SGK3: variants seen among roughly 807,000 people sequenced by gnomAD.
The protein encoded by SGK3 is serine/threonine-protein kinase Sgk3.
In SGK3, 47 loss-of-function variants were observed where a neutral mutation model predicts 68.5. That is an observed-to-expected ratio of 0.69 (90% confidence interval 0.54 to 0.87). The LOEUF is 0.87. Ranked by LOEUF, SGK3 falls within the 40% of genes least tolerant of loss-of-function variation. SGK3 has a pLI of 0.00. For missense variants in SGK3, 479 were observed against 575.5 expected (o/e 0.83, Z 1.72); for synonymous variants, 181 against 189.1 (o/e 0.96, Z 0.35).
intron 1 of SGK3, among the ~76,000 whole-genome samples, chr8:66,782,433 C>G (rs926206819): frequency 2.6e-5 from 4 of 152,086 alleles, no homozygotes; most frequent in African/African-American, 9.7e-5. Flanking sequence ...GTCAATATCC[C>G]CCACCAGAGT....
At chr8:66,787,811 A>G (rs1416948656) in intron 1 of SGK3, among the ~76,000 whole-genome samples, 1 of 152,150 alleles carries the variant, frequency 6.6e-6, no homozygotes, top group East Asian at 1.9e-4. Context: ...CCTCCCTTTA[A>G]AAAATATATA....
At chr8:66,767,678 C>T (rs1438191251) in intron 1 of SGK3, 3 of 1,409,802 alleles carry the variant, frequency 2.1e-6, no homozygotes, top group Non-Finnish European at 3.0e-6. Context: ...TCTGGATAGC[C>T]ATCATCTGAG....
chr8:66,796,960 A>G (rs929819441), intron 2 of SGK3, among the ~76,000 whole-genome samples: 5 of 151,266 alleles, frequency 3.3e-5, no homozygotes, highest in Non-Finnish European at 7.4e-5. Flanking sequence ...TTTTTTACCA[A>G]TGGAAATATT....
At chr8:66,804,968 A>G (rs1254169156) in intron 4 of SGK3, among the ~76,000 whole-genome samples, 1 of 152,034 alleles carries the variant, frequency 6.6e-6, no homozygotes, top group Non-Finnish European at 1.5e-5. Flanking sequence ...AGTCCCAGCT[A>G]CTCAGGAGGC....
Position 66,859,690 on chromosome 8 carries a change from A to G in SGK3, c.*109A>G. 8.1e-7 allele frequency: 1 copy of G among 1,229,116 alleles called. No homozygotes were observed. The highest frequency in any genetic ancestry group is 1.1e-6 in the Non-Finnish European group (1 of 935,990). 76.1% of individuals were successfully genotyped at this position (1,229,116 alleles called of 1,614,324 possible). A position where few individuals can be genotyped will look rare whatever the true frequency, so the allele number is the denominator to read the frequency against. On this transcript the variant is annotated 3_prime_UTR_variant, in exon 17 of 17. Transcript: ENST00000521198. ...TGTATAACTAGTGCCTCATTTTTATATGTAATGATGAAAACTATGAAAAAA... is the reference window on the plus strand; with the variant it reads ...TGTATAACTAGTGCCTCATTTTTATGTGTAATGATGAAAACTATGAAAAAA...
intron 1 of SGK3, among the ~76,000 whole-genome samples, chr8:66,784,864 T>A (rs1807136286): frequency 6.6e-6 from 1 of 152,288 alleles, no homozygotes; most frequent in African/African-American, 2.4e-5. Flanking sequence ...GATGCTTTTT[T>A]AAAAAAAGAT....
chr8:66,774,809 C>A (rs965879105), intron 1 of SGK3, among the ~76,000 whole-genome samples: 9 of 152,088 alleles, frequency 5.9e-5, no homozygotes, highest in African/African-American at 2.2e-4. Flanking sequence ...ACGTCTCACG[C>A]CTGGAGCCCT....
chr8:66,847,209 G>T lies in SGK3; in HGVS notation c.1091G>T (p.Arg364Leu). 6.2e-7 allele frequency: 1 copy of T among 1,600,266 alleles called. No homozygotes were observed. The highest frequency in any genetic ancestry group is 1.1e-5 in the South Asian group (1 of 87,940). Residue 364 changes from arginine to leucine, a missense_variant, in exon 15 of 17, where the codon CGA becomes CTA. This residue lies in a region of SGK3 where 173 missense variants were observed against 214.3 expected (regional missense o/e 0.81). Transcript: ENST00000521198. ...TTTTTCCAGCCTCCTTTTTATTGCC[G>T]AGATGTTGCTGAAATGTATGACAAT... The part of the protein sequence containing the change: ...MLYGLPPFYC[R>L]DVAEMYDNIL...
chr8:66,850,964 A>C (rs1810258697), intron 16 of SGK3, 44 bp downstream of exon 16: 9 of 1,543,480 alleles, frequency 5.8e-6, no homozygotes, highest in Non-Finnish European at 7.9e-6. Context: ...CGTGAAACTT[A>C]ATAGCAGTTC....
At chr8:66,771,698 C>T (rs1233906961) in intron 1 of SGK3, among the ~76,000 whole-genome samples, 2 of 151,914 alleles carry the variant, frequency 1.3e-5, no homozygotes, top group African/African-American at 4.8e-5. Flanking sequence ...AAGAAAAGAC[C>T]AGTATTTTAG....
rs528650754 is a variant in SGK3, at chr8:66,785,602, C to T, written c.-121-8014C>T. Among the ~76,000 whole-genome samples the T allele has an allele frequency of 1.4e-3, 216 of 152,168 alleles. 3 individuals are homozygous for T. The highest frequency in any genetic ancestry group is 2.6e-3 in the Non-Finnish European group (180 of 68,026). On this transcript the variant is annotated intron_variant, in intron 1 of 16. Coordinates refer to ENST00000521198, the MANE Select transcript of SGK3 (RefSeq NM_001033578.3). ...AGTTGTGACAACCAAAAATGTCTCC[C>T]GACATTGCCAAATATCCTCTAGGCA...
intron 10 of SGK3, among the ~76,000 whole-genome samples, chr8:66,836,331 A>G (rs1287050030): frequency 1.3e-5 from 2 of 152,238 alleles, no homozygotes; most frequent in African/African-American, 2.4e-5. Context: ...ACTAAACTGT[A>G]TAGCAAGAAT....
intron 1 of SGK3, among the ~76,000 whole-genome samples, chr8:66,739,313 G>A (rs1341302240): frequency 1.3e-5 from 2 of 152,142 alleles, no homozygotes; most frequent in Admixed American, 6.5e-5. Flanking sequence ...GCTCTTGTGG[G>A]AAGTAATCCA....
intron 4 of SGK3, among the ~76,000 whole-genome samples, chr8:66,808,438 C>CA (rs1312442702): frequency 1.3e-5 from 2 of 151,926 alleles, no homozygotes; most frequent in African/African-American, 4.8e-5. Context: ...ATGTTACTGT[C>CA]ATGGGAACCA....
intron 1 of SGK3, among the ~76,000 whole-genome samples, chr8:66,757,961 A>G (rs1806034990): frequency 6.7e-6 from 1 of 149,354 alleles, no homozygotes; most frequent in Non-Finnish European, 1.5e-5. Flanking sequence ...ATATATACAC[A>G]CACTATATAT....
At chr8:66,761,131 G>A (rs1585679564) in intron 1 of SGK3, among the ~76,000 whole-genome samples, 1 of 151,978 alleles carries the variant, frequency 6.6e-6, no homozygotes, top group Non-Finnish European at 1.5e-5. Flanking sequence ...TTAGAGACAG[G>A]GTCTTACTCT....
Position 66,752,594 on chromosome 8 carries a change from G to T in SGK3, c.-122+39761G>T, listed in dbSNP as rs545785309. On this transcript the variant is annotated intron_variant, in intron 1 of 16. Transcript: ENST00000521198. ...AGTAGGAGTTACCCTGTGAAAAACTGGGGGGGTGGGGGAGACAGAGCATTT... is the reference window on the plus strand; with the variant it reads ...AGTAGGAGTTACCCTGTGAAAAACTTGGGGGGTGGGGGAGACAGAGCATTT... 3.3e-5 allele frequency among the ~76,000 whole-genome samples: 5 copies of T among 151,876 alleles called. No homozygotes were observed. The East Asian group carries it at 9.6e-4, about 29-fold the overall frequency.
At chr8:66,769,177 G>A (rs1806420905) in intron 1 of SGK3, among the ~76,000 whole-genome samples, 1 of 151,948 alleles carries the variant, frequency 6.6e-6, no homozygotes, top group South Asian at 2.1e-4. Context: ...CTAATTGCAA[G>A]TATATTAGGC....
intron 15 of SGK3, among the ~76,000 whole-genome samples, chr8:66,849,710 C>T (rs535672772): frequency 6.6e-6 from 1 of 151,794 alleles, no homozygotes; most frequent in South Asian, 2.1e-4. Flanking sequence ...ATCCTCCCAC[C>T]TCAGCCCCCA....
Sources: allele counts gnomAD v4.1 joint callset (sites outside exome capture counted in the v4.1 genomes callset), GRCh38; gene constraint gnomAD v4.1.1; regional missense constraint gnomAD v4.1.1; transcripts MANE v1.5; gene names NCBI Gene and HGNC (gene_info 2026-07-23, HGNC 2026-07-21).